Variants in TTC39B observed in about 807,000 individuals in gnomAD.
TTC39B encodes the protein tetratricopeptide repeat domain 39B, also known as tetratricopeptide repeat protein 39B.
In TTC39B, 92 loss-of-function variants were observed where a neutral mutation model predicts 96.6. The ratio of observed to expected loss-of-function variants is 0.95; its 90% CI spans 0.80 to 1.13. The LOEUF is 1.13. Ranked by LOEUF, TTC39B falls within the 50% of genes most tolerant of loss-of-function variation. The pLI, the probability that TTC39B is intolerant of heterozygous loss-of-function variation, is 0.00. For synonymous variants in TTC39B, 367 were observed against 299.4 expected, an observed-to-expected ratio of 1.23 and a Z score of -2.33; for missense variants, 955 against 809.3, an observed-to-expected ratio of 1.18 and a Z score of -2.18.
intron 6 of TTC39B, among the ~76,000 whole-genome samples, chr9:15,205,016 C>T (rs569078): frequency 0.44 from 66,339 of 151,994 alleles, 16,074 homozygotes; most frequent in East Asian, 0.66. Context: ...TTTAAGTAAA[C>T]GAGCCTGGGG....
intron 3 of TTC39B, among the ~76,000 whole-genome samples, chr9:15,218,156 G>A (rs1049173362): frequency 1.1e-4 from 15 of 134,102 alleles, no homozygotes; most frequent in Middle Eastern, 4.4e-3. Flanking sequence ...GCAACAGAGC[G>A]AGACTCTGTC....
intron 1 of TTC39B, among the ~76,000 whole-genome samples, chr9:15,272,172 C>A (rs557948093): frequency 6.6e-6 from 1 of 152,324 alleles, no homozygotes; most frequent in South Asian, 2.1e-4. Context: ...GTGTGAGATT[C>A]CCATCAGGGC....
exon 20 of TTC39B, chr9:15,171,471 G>T (rs1433685923): frequency 6.6e-6 from 1 of 152,022 alleles, no homozygotes; most frequent in Non-Finnish European, 1.5e-5. Flanking sequence ...ATAGAGAAAG[G>T]TCTCTTCAAC....
chr9:15,190,204 G>T (rs1281443856), intron 11 of TTC39B, among the ~76,000 whole-genome samples: 1 of 151,984 alleles, frequency 6.6e-6, no homozygotes. Flanking sequence ...TCTGCTAAAT[G>T]TCACTATGAC....
intron 2 of TTC39B, among the ~76,000 whole-genome samples, chr9:15,245,816 C>T (rs533419144): frequency 3.3e-5 from 5 of 152,268 alleles, no homozygotes; most frequent in Admixed American, 6.5e-5. Context: ...TGTAGACTGA[C>T]GAAACATCAA....
intron 2 of TTC39B, among the ~76,000 whole-genome samples, chr9:15,237,234 G>A (rs1312312947): frequency 1.3e-5 from 2 of 152,178 alleles, no homozygotes; most frequent in African/African-American, 4.8e-5. Context: ...AGAATTACTT[G>A]AACCCGGGAG....
intron 19 of TTC39B, among the ~76,000 whole-genome samples, chr9:15,174,377 T>C (rs1817816659): frequency 6.6e-6 from 1 of 152,214 alleles, no homozygotes; most frequent in African/African-American, 2.4e-5. Context: ...CTGCAGAAAG[T>C]GTTCAAGGCA....
chr9:15,291,883 C>G (rs945741027), intron 1 of TTC39B, among the ~76,000 whole-genome samples: 2 of 152,210 alleles, frequency 1.3e-5, no homozygotes, highest in African/African-American at 2.4e-5. Context: ...AGTTCTGCCA[C>G]TTGCTGCCAA....
exon 20 of TTC39B, chr9:15,166,598 C>G (rs1472377719): frequency 6.6e-6 from 1 of 152,108 alleles, no homozygotes; most frequent in Non-Finnish European, 1.5e-5. Flanking sequence ...TCTGATGTGT[C>G]CTTTTCATTA....
chr9:15,245,170 C>T (rs2131484861), intron 2 of TTC39B, among the ~76,000 whole-genome samples: 1 of 152,232 alleles, frequency 6.6e-6, no homozygotes, highest in Admixed American at 6.5e-5. Context: ...TGCAATTAGC[C>T]CCTTGCATCA....
chr9:15,231,812 T>C (rs556525248), intron 2 of TTC39B, among the ~76,000 whole-genome samples: 74 of 152,194 alleles, frequency 4.9e-4, no homozygotes, highest in Non-Finnish European at 9.3e-4. Flanking sequence ...AGGTTTTCCA[T>C]CAACGTTAAA....
At chr9:15,298,391 G>C (rs1257151932) in intron 1 of TTC39B, among the ~76,000 whole-genome samples, 1 of 152,126 alleles carries the variant, frequency 6.6e-6, no homozygotes, top group East Asian at 1.9e-4. Flanking sequence ...AAATACCCAA[G>C]ACTGCATAAT....
At chr9:15,302,896 G>A (rs1036169800) in intron 1 of TTC39B, among the ~76,000 whole-genome samples, 2 of 151,864 alleles carry the variant, frequency 1.3e-5, no homozygotes, top group East Asian at 1.9e-4. Context: ...TTGGCCGGGC[G>A]CAGTGGCTCA....
At chr9:15,196,984 G>C (rs1162182196) in intron 8 of TTC39B, among the ~76,000 whole-genome samples, 1 of 152,208 alleles carries the variant, frequency 6.6e-6, no homozygotes. Context: ...CCAACAAAAA[G>C]ATTATGACTT....
At chr9:15,190,054 C>T (rs2118777163) in intron 11 of TTC39B, among the ~76,000 whole-genome samples, 1 of 152,080 alleles carries the variant, frequency 6.6e-6, no homozygotes, top group South Asian at 2.1e-4. Flanking sequence ...GTTTTAACAG[C>T]AATATTAACT....
chr9:15,234,008 G>A (rs1461299157), intron 2 of TTC39B, among the ~76,000 whole-genome samples: 33 of 118,176 alleles, frequency 2.8e-4, no homozygotes, highest in Middle Eastern at 4.6e-3. Flanking sequence ...CTGCCCCGCT[G>A]CCCCGTCTGG....
chr9:15,255,826 C>T (rs1822730496), intron 2 of TTC39B, among the ~76,000 whole-genome samples: 1 of 152,140 alleles, frequency 6.6e-6, no homozygotes, highest in Admixed American at 6.5e-5. Context: ...CAATCAGCCA[C>T]AGTCTTTTTT....
rs533744557 is a variant in TTC39B at position 15,302,635 on chromosome 9, GGA to G, written c.240+4447_240+4448del. Reference sequence around the variant, plus strand: ...GAGGTAGGTGGATCACCTGAGGTCAGGAGTTCGAGACCGGCCTGGCCAACGTG... The same window carrying G: ...GAGGTAGGTGGATCACCTGAGGTCAGGTTCGAGACCGGCCTGGCCAACGTG... On this transcript the variant is annotated intron_variant, in intron 1 of 19. Transcript: ENST00000512701. Among the ~76,000 whole-genome samples the G allele has an allele frequency of 1.7e-4, 26 of 150,344 alleles. No individual in the cohort carries two copies. The East Asian group carries it at 3.2e-3, about 18-fold the overall frequency.
intron 2 of TTC39B, among the ~76,000 whole-genome samples, chr9:15,236,903 T>C (rs992568365): frequency 6.6e-6 from 1 of 150,644 alleles, no homozygotes; most frequent in African/African-American, 2.4e-5. Flanking sequence ...CAACCTAACA[T>C]CACAACTCAA....
Sources: gnomAD v4.1 joint callset for allele counts (sites outside exome capture counted in the v4.1 genomes callset) on GRCh38, gnomAD v4.1.1 for gene constraint, MANE v1.5 for transcripts, NCBI Gene and HGNC (gene_info 2026-07-23, HGNC 2026-07-21) for gene names.